SEC16B: variants seen among roughly 807,000 people sequenced by gnomAD.
SEC16B encodes protein transport protein Sec16B.
SEC16B carries 115 observed loss-of-function variants against 141.8 expected under a neutral mutation model. The ratio of observed to expected loss-of-function variants is 0.81; its 90% CI spans 0.70 to 0.95. SEC16B has a LOEUF of 0.95. SEC16B is among the 40% of genes least tolerant of loss of function. SEC16B has a pLI of 0.00. For synonymous variants in SEC16B, 493 were observed against 492.5 expected (o/e 1.00, Z -0.01); for missense variants, 1,291 against 1,312.3 (o/e 0.98, Z 0.25).
chr1:177,954,272 G>A lies in SEC16B; in HGVS notation c.1463+7C>T, dbSNP rs936157177. 5 of 1,558,218 alleles carry A rather than the reference G, an allele frequency of 3.2e-6. No homozygotes were observed. The highest frequency in any genetic ancestry group is 4.3e-6 in the Non-Finnish European group (5 of 1,150,124). ...CCACTGGCCTCTTTTGTTAAGTCCT[G>A]ACTCACCCACTCATGACCCAGCTGT... On this transcript the variant is annotated splice_region_variant and intron_variant, in intron 11 of 25. Transcript: ENST00000308284.
chr1:177,951,056 G>A (rs1317108752), intron 12 of SEC16B, among the ~76,000 whole-genome samples: 1 of 146,648 alleles, frequency 6.8e-6, no homozygotes, highest in South Asian at 2.2e-4. Flanking sequence ...AGGAAAGGAG[G>A]GCAAGAGAGG....
At chr1:177,970,868 T>C (rs115789985), upstream of SEC16B, among the ~76,000 whole-genome samples, 2 of 152,326 alleles carry the variant, frequency 1.3e-5, no homozygotes, top group Non-Finnish European at 2.9e-5. Context: ...GCTTACTGTG[T>C]TCCTATTAAG....
chr1:177,946,680 G>A (rs769968523), intron 13 of SEC16B, 149 bp from the exon 14 acceptor site: 18 of 621,042 alleles, frequency 2.9e-5, no homozygotes, highest in South Asian at 7.8e-5. Flanking sequence ...CTTTCATAGC[G>A]TGAGTCACAG....
At chr1:177,940,518 C>G in intron 17 of SEC16B, 92 bp downstream of exon 17, 1 of 856,788 alleles carries the variant, frequency 1.2e-6, no homozygotes, top group African/African-American at 1.7e-5. Context: ...CAGGGACTTG[C>G]TAATGTCAGT....
At chr1:177,938,803 A>G (rs772081404) in intron 18 of SEC16B, among the ~76,000 whole-genome samples, 2 of 152,242 alleles carry the variant, frequency 1.3e-5, no homozygotes, top group African/African-American at 2.4e-5. Flanking sequence ...CTAAAAACCC[A>G]AATCAGACCA....
At chr1:177,946,311 A>G (rs958856387) in intron 14 of SEC16B, 109 bp downstream of exon 14, 2 of 828,772 alleles carry the variant, frequency 2.4e-6, no homozygotes, top group African/African-American at 1.7e-5. Context: ...AGCCGGCGGT[A>G]GCTGAAATTC....
intron 1 of SEC16B, among the ~76,000 whole-genome samples, chr1:177,981,298 A>C (rs1654403867): frequency 6.6e-6 from 1 of 152,102 alleles, no homozygotes; most frequent in African/African-American, 2.4e-5. Context: ...ATGAATGAGC[A>C]CAAAATTTAG....
intron 20 of SEC16B, among the ~76,000 whole-genome samples, chr1:177,934,372 C>T (rs1243464406): frequency 2.6e-5 from 4 of 152,120 alleles, no homozygotes; most frequent in African/African-American, 9.7e-5. Flanking sequence ...ATGTATCTCA[C>T]GTAGGTGGAG....
At chr1:177,968,272 C>T (rs948444228) in intron 1 of SEC16B, among the ~76,000 whole-genome samples, 4 of 152,072 alleles carry the variant, frequency 2.6e-5, no homozygotes, top group South Asian at 2.1e-4. Context: ...TGTGGAACAA[C>T]GACAGATGAG....
intron 1 of SEC16B, among the ~76,000 whole-genome samples, chr1:177,979,555 A>G (rs1216119795): frequency 6.6e-6 from 1 of 152,252 alleles, no homozygotes; most frequent in Admixed American, 6.5e-5. Flanking sequence ...TTTCCATAGA[A>G]GCCACTTATG....
At position 177,969,903 on chromosome 1, in the gene SEC16B, C is replaced by T. The variant is rs767004762; in HGVS notation, c.-78G>A. ...ACACACCTGCTCTGATGGCTTCCCACCTTCCTTCAGCGCTGCTCCAGGGAC... is the reference window on the plus strand; with the variant it reads ...ACACACCTGCTCTGATGGCTTCCCATCTTCCTTCAGCGCTGCTCCAGGGAC... On this transcript the variant is annotated 5_prime_UTR_variant, in exon 1 of 26. In the 5' UTR this introduces an upstream ATG that the reference lacks. Coordinates refer to ENST00000308284, the MANE Select transcript of SEC16B (RefSeq NM_033127.4). The T allele has an allele frequency of 6.6e-6, 1 of 152,226 alleles. No individual in the cohort carries two copies. The highest frequency in any genetic ancestry group is 2.4e-5 in the African/African-American group (1 of 41,440). 9.4% of individuals were successfully genotyped at this position (152,226 alleles called of 1,614,324 possible). A position where few individuals can be genotyped will look rare whatever the true frequency, so the allele number is the denominator to read the frequency against.
intron 12 of SEC16B, chr1:177,948,782 T>C: frequency 1.1e-6 from 1 of 894,398 alleles, no homozygotes; most frequent in African/African-American, 1.8e-5. Context: ...TCTGAACCTT[T>C]GTTTTCTCAT....
chr1:177,948,149 GCATA>G (rs539355896), intron 12 of SEC16B, among the ~76,000 whole-genome samples: 1 of 152,052 alleles, frequency 6.6e-6, no homozygotes, highest in Non-Finnish European at 1.5e-5. Flanking sequence ...ACGTGTACAT[GCATA>G]CATACATACA....
rs751031104 is a variant in SEC16B at position 177,961,678 on chromosome 1, G to A, written c.699C>T (p.Ser233=). 14 of 1,613,848 alleles carry A rather than the reference G, an allele frequency of 8.7e-6. No homozygotes were observed. The highest frequency in any genetic ancestry group is 1.0e-5 in the Non-Finnish European group (12 of 1,179,880). The change falls in exon 6 of 26, where the codon TCC becomes TCT. Residue 233 remains serine (S), a synonymous_variant. Coordinates refer to ENST00000308284, the MANE Select transcript of SEC16B (RefSeq NM_033127.4). ...TGTACTGACTGAGCTCATAGCTGCTGGAGCTGAGACCAGACTCACGCTGCT... is the reference window on the plus strand; with the variant it reads ...TGTACTGACTGAGCTCATAGCTGCTAGAGCTGAGACCAGACTCACGCTGCT... ...LLQQRESGLS[S]SSYELSQYIR...
chr1:177,953,288 G>T (rs927777066), intron 11 of SEC16B, among the ~76,000 whole-genome samples: 35 of 152,152 alleles, frequency 2.3e-4, no homozygotes, highest in Non-Finnish European at 1.5e-5. Context: ...TTACAGGCAT[G>T]AGCCACCACA....
intron 14 of SEC16B, 45 bp from the exon 15 acceptor site, chr1:177,944,711 C>G: frequency 6.6e-7 from 1 of 1,515,338 alleles, no homozygotes; most frequent in Non-Finnish European, 9.1e-7. Context: ...GTGTGGGGGA[C>G]GCAGGAGTTA....
chr1:177,954,954 C>A (rs1193049062), intron 10 of SEC16B, among the ~76,000 whole-genome samples: 1 of 152,014 alleles, frequency 6.6e-6, no homozygotes, highest in African/African-American at 2.4e-5. Context: ...CACAAAAGTA[C>A]TTCAACTTCA....
At chr1:177,933,734 G>A in intron 20 of SEC16B, 98 bp from the exon 21 acceptor site, 1 of 1,215,206 alleles carries the variant, frequency 8.2e-7, no homozygotes, top group Non-Finnish European at 1.2e-6. Context: ...GAAGGCAGTG[G>A]GACTGTTGTC....
chr1:177,931,064 C>T (rs973298798), intron 24 of SEC16B, among the ~76,000 whole-genome samples: 3 of 152,140 alleles, frequency 2.0e-5, no homozygotes, highest in Non-Finnish European at 4.4e-5. Context: ...TCCAGCAATC[C>T]CACTACTGGG....
Sources: allele counts gnomAD v4.1 joint callset (sites outside exome capture counted in the v4.1 genomes callset), GRCh38; gene constraint gnomAD v4.1.1; transcripts MANE v1.5; gene names NCBI Gene and HGNC (gene_info 2026-07-23, HGNC 2026-07-21).